The following ADGRB2 variants were observed in gnomAD, a reference collection of about 807,000 sequenced individuals.
ADGRB2 encodes brain-specific angiogenesis inhibitor 2.
In ADGRB2, 47 loss-of-function variants were observed where a neutral mutation model predicts 178.7. That is an observed-to-expected ratio of 0.26 (90% CI 0.21 to 0.34). The LOEUF (loss-of-function observed/expected upper bound fraction) is 0.34, where lower values mean the gene tolerates loss of function less well. Among genes scored for constraint, ADGRB2 ranks in the 10% least tolerant of loss-of-function variants. ADGRB2 has a pLI of 1.00. For synonymous variants in ADGRB2, 870 were observed against 912.4 expected (o/e 0.95, Z 0.84); for missense variants, 1,584 against 2,180.8 (o/e 0.73, Z 5.45).
intron 4 of ADGRB2, among the ~76,000 whole-genome samples, chr1:31,747,362 T>C (rs536613838): frequency 6.6e-5 from 10 of 152,204 alleles, no homozygotes; most frequent in African/African-American, 2.4e-4. Context: ...TCTCCTGTGC[T>C]CCATTCCTGG....
At position 31,728,802 on chromosome 1, in the gene ADGRB2, G is replaced by GC. The variant is rs1645127602; in HGVS notation, c.4381-170_4381-169insG. Among the ~76,000 whole-genome samples the GC allele has an allele frequency of 7.2e-5, 4 of 55,572 alleles. No individual in the cohort carries two copies. The highest frequency in any genetic ancestry group is 5.7e-4 in the East Asian group (1 of 1,744). The allele number at this position is 55,572 out of a possible 152,430, so 36.5% of individuals were successfully genotyped here. On this transcript the variant is annotated intron_variant, in intron 29 of 32. Coordinates refer to ENST00000373658, the MANE Select transcript of ADGRB2 (RefSeq NM_001364857.2). This position sits in a 1 kb window ranked among gnomAD's most constrained non-coding sequence, Gnocchi z 6.7. ...ATGGGGCAGCTTTTCAGGCCTCACT[G>GC]AACACACACACACACACACACACAC...
At chr1:31,757,321 T>C (rs897720575) in intron 2 of ADGRB2, 40 bp from the exon 3 acceptor site, 1 of 1,485,214 alleles carries the variant, frequency 6.7e-7, no homozygotes, top group Middle Eastern at 1.7e-4. Context: ...GACTATGATT[T>C]GCTTTTTTAT....
At chr1:31,751,857 C>T (rs989305272) in intron 4 of ADGRB2, among the ~76,000 whole-genome samples, 1 of 152,288 alleles carries the variant, frequency 6.6e-6, no homozygotes, top group African/African-American at 2.4e-5. Context: ...GGCAGGGTCA[C>T]AGTCGTACCT....
chr1:31,763,625 G>C (rs945566813), intron 1 of ADGRB2, among the ~76,000 whole-genome samples: 6 of 143,802 alleles, frequency 4.2e-5, no homozygotes, highest in African/African-American at 1.5e-4. Context: ...AGATGGGTAA[G>C]AGGGTCGGTC....
rs1239725341 is a variant in ADGRB2, at chr1:31,757,208, C to A, written c.14G>T (p.Gly5Val). The A allele has an allele frequency of 1.2e-6, 2 of 1,614,202 alleles. No homozygotes were observed. Among genetic ancestry groups the A allele is most frequent in the Non-Finnish European group, 1.7e-6 (2 of 1,180,016 alleles). Residue 5 changes from glycine (G) to valine (V), a missense_variant, in exon 3 of 33, where the codon GGT becomes GTT. Around this residue, in one of 3 missense-constraint regions of ADGRB2, gnomAD observed 657 missense variants for 847.6 expected, o/e 0.78. Coordinates refer to ENST00000373658, the MANE Select transcript of ADGRB2 (RefSeq NM_001364857.2). ...ATCCAGCCCCAGCCTCACCATCCAA[C>A]CTGTATTCTCCATAACTCTTGCTCT... Reference protein sequence around the residue: MENTGWMGKGHRMTP... With the variant: MENTVWMGKGHRMTP...
chr1:31,732,002 G>C (rs1299026555), intron 28 of ADGRB2, 113 bp downstream of exon 28: 1 of 1,415,884 alleles, frequency 7.1e-7, no homozygotes, highest in Non-Finnish European at 9.9e-7. Flanking sequence ...GTCTAACTTC[G>C]AAGCTGGACT....
Position 31,735,667 on chromosome 1 carries a change from TG to T in ADGRB2, c.3268-3del, listed in dbSNP as rs767866440. 2 of 1,594,920 alleles carry T rather than the reference TG, an allele frequency of 1.3e-6. No individual in the cohort carries two copies. Among genetic ancestry groups the T allele is most frequent in the East Asian group, 4.5e-5 (2 of 44,564 alleles). On this transcript the variant is annotated splice_region_variant and splice_polypyrimidine_tract_variant and intron_variant, in intron 23 of 32. Coordinates refer to ENST00000373658, the MANE Select transcript of ADGRB2 (RefSeq NM_001364857.2). This position sits in a 1 kb window ranked among gnomAD's most constrained non-coding sequence, Gnocchi z 6.0. ...GATGATTCCGATGAGCATGTTCACC[TG>T]GGGGCCCAGTAGAGTGGAGTGGGGG...
intron 27 of ADGRB2, 107 bp downstream of exon 27, chr1:31,732,410 C>T: frequency 1.5e-6 from 2 of 1,375,266 alleles, no homozygotes; most frequent in Non-Finnish European, 2.0e-6. Flanking sequence ...AACCCAATCC[C>T]TGTCCCAACC....
At chr1:31,749,703 G>A (rs1288874422) in intron 4 of ADGRB2, among the ~76,000 whole-genome samples, 1 of 152,206 alleles carries the variant, frequency 6.6e-6, no homozygotes, top group Admixed American at 6.5e-5. Flanking sequence ...TTTGAGCCCA[G>A]GAATTCAAGA....
chr1:31,741,765 G>C lies in ADGRB2; in HGVS notation c.1585+35C>G. The C allele has an allele frequency of 6.3e-7, 1 of 1,599,950 alleles. No individual in the cohort carries two copies. On this transcript the variant is annotated intron_variant, in intron 9 of 32. Transcript: ENST00000373658. This position sits in a 1 kb window ranked among gnomAD's most constrained non-coding sequence, Gnocchi z 6.5. Reference sequence around the variant, plus strand: ...GTAAGGTTCAGCTGGGTCCACACATGGGGCCCCCAGCCCCCAGGGTCATTA... The same window carrying C: ...GTAAGGTTCAGCTGGGTCCACACATCGGGCCCCCAGCCCCCAGGGTCATTA...
In ADGRB2 at chr1:31,732,545, G is replaced by A. The variant is rs781737829; in HGVS notation, c.3692C>T (p.Ser1231Leu). The A allele has an allele frequency of 8.7e-6, 14 of 1,614,046 alleles. No individual in the cohort carries two copies. The highest frequency in any genetic ancestry group is 6.7e-5 in the Admixed American group (4 of 60,008). ...RADESEDSPD[S>L]CKNGQLQILS... ...GATCTGCAGCTGCCCGTTCTTACACGAGTCAGGGGAGTCTTCGCTCTCATC... is the reference window on the plus strand; with the variant it reads ...GATCTGCAGCTGCCCGTTCTTACACAAGTCAGGGGAGTCTTCGCTCTCATC... The change falls in exon 27 of 33, where the codon TCG (serine) becomes TTG (leucine). Residue 1231 changes from serine (S) to leucine (L), a missense_variant. Ser to Leu is a moderately radical substitution (Grantham distance 145). This residue lies in a region of ADGRB2 where 865 missense variants were observed against 1,192.8 expected (regional missense o/e 0.73). Transcript: ENST00000373658.
chr1:31,730,867 G>A lies in ADGRB2; in HGVS notation c.4313C>T (p.Pro1438Leu), dbSNP rs1569737093. Reference protein sequence around the residue: ...PTPSARQVPEPGERSRTMPRT... With the variant: ...PTPSARQVPELGERSRTMPRT... The stretch of plus-strand genomic sequence containing the variant: ...AGGCATGGTCCGGCTGCGCTCCCCT[G>A]GCTCGGGCACTTGGCGGGCGCTGGG... Residue 1438 changes from proline (P) to leucine (L), a missense_variant, in exon 29 of 33, where the codon CCA (proline) becomes CTA (leucine). Transcript: ENST00000373658. 1 of 1,559,676 alleles carries A rather than the reference G, an allele frequency of 6.4e-7. No homozygotes were observed. The highest frequency in any genetic ancestry group is 8.7e-7 in the Non-Finnish European group (1 of 1,154,074).
intron 4 of ADGRB2, among the ~76,000 whole-genome samples, chr1:31,747,727 A>T (rs938607614): frequency 7.2e-5 from 11 of 152,224 alleles, no homozygotes; most frequent in Non-Finnish European, 1.3e-4. Context: ...CAGCCCAGCG[A>T]AATACCAAGA....
At chr1:31,739,231 A>G in intron 15 of ADGRB2, 77 bp downstream of exon 15, 2 of 1,372,738 alleles carry the variant, frequency 1.5e-6, no homozygotes, top group South Asian at 1.6e-5. Flanking sequence ...TGCAGCCAGC[A>G]CTGGCTCAGT....
At position 31,745,714 on chromosome 1, in the gene ADGRB2, C is replaced by G. The variant is rs183816153; in HGVS notation, c.839-983G>C. ...CAGACTATTAGGTGCTCCTCTCCCC[C>G]ACCTCCAGGCTCCTTCCTATCTCTA... On this transcript the variant is annotated intron_variant, in intron 4 of 32. Transcript: ENST00000373658. Among the ~76,000 whole-genome samples the G allele has an allele frequency of 9.9e-4, 151 of 152,320 alleles. 1 individual carries two copies. The highest frequency in any genetic ancestry group is 3.4e-3 in the Middle Eastern group (1 of 294).
chr1:31,741,357 A>G lies in ADGRB2; in HGVS notation c.1794+16T>C. 2.5e-6 allele frequency: 4 copies of G among 1,585,962 alleles called. No individual in the cohort carries two copies. Among genetic ancestry groups the G allele is most frequent in the Non-Finnish European group, 3.4e-6 (4 of 1,165,380 alleles). The stretch of plus-strand genomic sequence containing the variant: ...GACAGATTCTGCTGTGCCCCAGCCC[A>G]GCAGGGTGCACTCACTGACAGATAC... On this transcript the variant is annotated intron_variant, in intron 11 of 32. Coordinates refer to ENST00000373658, the MANE Select transcript of ADGRB2 (RefSeq NM_001364857.2). This position sits in a 1 kb window ranked among gnomAD's most constrained non-coding sequence, Gnocchi z 6.5.
In ADGRB2 at chr1:31,764,139, G is replaced by T; in HGVS notation, c.-446C>A. On this transcript the variant is annotated 5_prime_UTR_variant, in exon 1 of 33. Transcript: ENST00000373658. The surrounding 1 kb of genome is among the most constrained non-coding windows in gnomAD (Gnocchi z 7.3). ...GCCGCCGCCGCCGCCTCCTTGCCGC[G>T]CCGCCCCCCGCTCCCCCGCTCCCCC... 2 of 769,960 alleles carry T rather than the reference G, an allele frequency of 2.6e-6. No homozygotes were observed. The highest frequency in any genetic ancestry group is 3.1e-6 in the Non-Finnish European group (2 of 637,312). The allele number at this position is 769,960 out of a possible 1,614,324, so 47.7% of individuals were successfully genotyped here.
In ADGRB2 at chr1:31,759,911, CTG is replaced by C; in HGVS notation, c.-190-2402_-190-2401del. Among the ~76,000 whole-genome samples the C allele has an allele frequency of 6.6e-6, 1 of 152,330 alleles. No individual in the cohort carries two copies. The highest frequency in any genetic ancestry group is 1.9e-4 in the East Asian group (1 of 5,182). ...AACCCCCCTGAGCCTGTTTCCCTCT[CTG>C]TGCAATGCAGACCATGAGCCTTGCC... On this transcript the variant is annotated intron_variant, in intron 1 of 32. Transcript: ENST00000373658. The surrounding 1 kb of genome is among the most constrained non-coding windows in gnomAD (Gnocchi z 4.3).
intron 4 of ADGRB2, among the ~76,000 whole-genome samples, chr1:31,748,057 G>A (rs1646366336): frequency 6.6e-6 from 1 of 152,168 alleles, no homozygotes; most frequent in Non-Finnish European, 1.5e-5. Flanking sequence ...CACCAAATGC[G>A]GACACGTGAG....
Sources: allele counts gnomAD v4.1 joint callset (sites outside exome capture counted in the v4.1 genomes callset), GRCh38; gene constraint gnomAD v4.1.1; regional missense constraint gnomAD v4.1.1; non-coding constraint Gnocchi (gnomAD v3.1); transcripts MANE v1.5; gene names NCBI Gene and HGNC (gene_info 2026-07-23, HGNC 2026-07-21).